Variants in FRMPD1 observed in about 807,000 individuals in gnomAD.
FRMPD1 encodes FERM and PDZ domain containing 1.
A neutral mutation model predicts 117.8 loss-of-function variants in FRMPD1; 76 were observed. That is an observed-to-expected ratio of 0.65 (90% CI 0.54 to 0.78). The LOEUF (loss-of-function observed/expected upper bound fraction) is 0.78, where lower values mean the gene tolerates loss of function less well. FRMPD1 is among the 30% of genes least tolerant of loss of function. The pLI, the probability that FRMPD1 is intolerant of heterozygous loss-of-function variation, is 0.00. For synonymous variants in FRMPD1, 783 were observed against 770.4 expected (o/e 1.02, Z -0.27); for missense variants, 1,786 against 1,964.5 (o/e 0.91, Z 1.72).
In FRMPD1 at chr9:37,651,556, G is replaced by A. The variant is rs138545639; in HGVS notation, c.-5+462G>A. 1.9e-3 allele frequency among the ~76,000 whole-genome samples: 286 copies of A among 152,366 alleles called. 1 individual carries two copies. Among genetic ancestry groups the A allele is most frequent in the African/African-American group, 6.6e-3 (275 of 41,590 alleles). ...TTTGAGTAGAGGGGCATCCCTGAGT[G>A]TCTCAGCTCCAGAACTCATTGCGTG... On this transcript the variant is annotated intron_variant, in intron 1 of 15. Coordinates refer to ENST00000377765, the MANE Select transcript of FRMPD1 (RefSeq NM_014907.3).
intron 10 of FRMPD1, 95 bp from the exon 11 acceptor site, chr9:37,733,378 G>A: frequency 8.2e-7 from 1 of 1,212,378 alleles, no homozygotes; most frequent in South Asian, 1.4e-5. Context: ...TGTATTATGG[G>A]AACACTAAGT....
chr9:37,638,022 T>TTCTTTCTTTCTTTCTTTCTTTCTC, the FRMPD1 span, among the ~76,000 whole-genome samples: 3 of 81,022 alleles, frequency 3.7e-5, 1 homozygote, highest in African/African-American at 1.5e-4. Context: ...CTTTCTTTCT[T>TTCTTTCTTTCTTTCTTTCTTTCTC]TCTCTCTCTT....
intron 1 of FRMPD1, among the ~76,000 whole-genome samples, chr9:37,654,486 T>A (rs1260736189): frequency 6.6e-6 from 1 of 152,258 alleles, no homozygotes; most frequent in Non-Finnish European, 1.5e-5. Flanking sequence ...ACTAAATATA[T>A]TCCACTATCA....
At chr9:37,677,257 G>C (rs889342922) in intron 1 of FRMPD1, among the ~76,000 whole-genome samples, 1 of 152,196 alleles carries the variant, frequency 6.6e-6, no homozygotes, top group Non-Finnish European at 1.5e-5. Context: ...AGCCCTGCAA[G>C]CCATTCTTGG....
chr9:37,619,744 C>T, the FRMPD1 span, among the ~76,000 whole-genome samples: 31 of 147,562 alleles, frequency 2.1e-4, no homozygotes, highest in African/African-American at 6.0e-4. Context: ...GGCGACACAG[C>T]GAGACTCCAG....
At chr9:37,699,173 C>T (rs1258456961) in intron 2 of FRMPD1, among the ~76,000 whole-genome samples, 1 of 151,926 alleles carries the variant, frequency 6.6e-6, no homozygotes, top group African/African-American at 2.4e-5. Flanking sequence ...TGACCAGCCT[C>T]ATTACCTATT....
Position 37,729,776 on chromosome 9 carries a change from T to C in FRMPD1, c.661T>C (p.Tyr221His). 1 of 1,613,884 alleles carries C rather than the reference T, an allele frequency of 6.2e-7. No homozygotes were observed. Among genetic ancestry groups the C allele is most frequent in the Non-Finnish European group, 8.5e-7 (1 of 1,179,860 alleles). Residue 221 changes from tyrosine to histidine, a missense_variant, in exon 8 of 16, where the codon TAC (tyrosine) becomes CAC (histidine). Tyr to His is a moderately conservative substitution (Grantham distance 83). Coordinates refer to ENST00000377765, the MANE Select transcript of FRMPD1 (RefSeq NM_014907.3). ...KEKLSIRSIE[Y>H]FALALEEQYS... is the part of the protein sequence containing the mutation. ...GAAGCTGTCCATCCGAAGTATCGAGTACTTTGCACTGGCCCTGGAAGAGCA... is the reference window on the plus strand; with the variant it reads ...GAAGCTGTCCATCCGAAGTATCGAGCACTTTGCACTGGCCCTGGAAGAGCA...
At chr9:37,619,210 T>C in the FRMPD1 span, among the ~76,000 whole-genome samples, 1 of 152,196 alleles carries the variant, frequency 6.6e-6, no homozygotes, top group South Asian at 2.1e-4. Flanking sequence ...CCATTTTTTT[T>C]CCATGTAAAC....
the FRMPD1 span, chr9:37,636,861 T>C: frequency 3.7e-6 from 6 of 1,611,418 alleles, no homozygotes; most frequent in Non-Finnish European, 4.2e-6. Flanking sequence ...AAGAAGGGGA[T>C]GCCCAAAGAG....
intron 1 of FRMPD1, among the ~76,000 whole-genome samples, chr9:37,686,772 C>T (rs1265446940): frequency 2.6e-5 from 4 of 152,184 alleles, no homozygotes; most frequent in African/African-American, 7.2e-5. Flanking sequence ...CTTCAAAAGG[C>T]GTGGAAAGGC....
At chr9:37,735,205 T>C (rs1448700352) in intron 12 of FRMPD1, among the ~76,000 whole-genome samples, 1 of 152,202 alleles carries the variant, frequency 6.6e-6, no homozygotes, top group Admixed American at 6.5e-5. Context: ...ATGCTTTCCA[T>C]AGGCAGTAGG....
chr9:37,726,829 G>A (rs971072177), intron 7 of FRMPD1, among the ~76,000 whole-genome samples: 23 of 152,268 alleles, frequency 1.5e-4, no homozygotes, highest in African/African-American at 5.1e-4. Flanking sequence ...ACGAGGTACC[G>A]GTGTGCTTAA....
chr9:37,675,453 G>C (rs1821495824), intron 1 of FRMPD1, among the ~76,000 whole-genome samples: 2 of 151,414 alleles, frequency 1.3e-5, no homozygotes, highest in Non-Finnish European at 2.9e-5. Context: ...ATGGTGGCCT[G>C]AATGTGTGTG....
the FRMPD1 span, among the ~76,000 whole-genome samples, chr9:37,640,616 T>C: frequency 6.6e-6 from 1 of 152,152 alleles, no homozygotes; most frequent in Non-Finnish European, 1.5e-5. Flanking sequence ...AACTACATAA[T>C]GATGCACCAG....
chr9:37,737,227 G>T lies in FRMPD1; in HGVS notation c.1533G>T (p.Arg511=), dbSNP rs1394979059. 6 of 1,614,054 alleles carry T rather than the reference G, an allele frequency of 3.7e-6. No individual in the cohort carries two copies. In the South Asian group the frequency reaches 4.4e-5, roughly 12 times the overall value. ...CTGGAAACAAACAACAAGCGCACCG[G>T]GTATCTGCAGAAGAAGGTGAGGCAC... is the stretch of plus-strand genomic sequence containing the variant. ...LWPGNKQQAH[R]VSAEEGYESR... The change falls in exon 14 of 16, where the codon CGG becomes CGT. Residue 511 remains arginine, a synonymous_variant. Transcript: ENST00000377765.
At chr9:37,730,000 G>T (rs1823798288) in intron 8 of FRMPD1, 147 bp downstream of exon 8, 1 of 766,866 alleles carries the variant, frequency 1.3e-6, no homozygotes. Flanking sequence ...CACTCAGCCT[G>T]GGGGTTATGG....
rs562813917 is a variant in FRMPD1, at chr9:37,740,343, G to C, written c.1815G>C (p.Ser605=). Residue 605 remains serine, a synonymous_variant, in exon 15 of 16, where the codon TCG becomes TCC. Transcript: ENST00000377765. This position sits in a 1 kb window ranked among gnomAD's most constrained non-coding sequence, Gnocchi z 4.2. ...GCCGCGGCTACAGGACCAGTGGCTC[G>C]AGTGAGTCCATGGACGCTCTGGAAG... is the stretch of plus-strand genomic sequence containing the variant. ...TESRGYRTSG[S]SESMDALEED... 3.1e-6 allele frequency: 5 copies of C among 1,613,492 alleles called. No individual in the cohort carries two copies. Among genetic ancestry groups the C allele is most frequent in the East Asian group, 4.5e-5 (2 of 44,862 alleles).
intron 7 of FRMPD1, chr9:37,728,125 T>C (rs1823695902): frequency 6.6e-6 from 1 of 152,212 alleles, no homozygotes; most frequent in Non-Finnish European, 1.5e-5. Context: ...AAGTGCCTTC[T>C]ATGGGGAAAT....
intron 13 of FRMPD1, among the ~76,000 whole-genome samples, chr9:37,736,832 TGTGA>T (rs993889491): frequency 5.3e-5 from 8 of 151,228 alleles, no homozygotes; most frequent in African/African-American, 1.5e-4. Context: ...ACCCACTGTG[TGTGA>T]GTGAGTGTGT....
Sources: gnomAD v4.1 joint callset for allele counts (sites outside exome capture counted in the v4.1 genomes callset) on GRCh38, gnomAD v4.1.1 for gene constraint, Gnocchi (gnomAD v3.1) non-coding constraint, MANE v1.5 for transcripts, NCBI Gene and HGNC (gene_info 2026-07-23, HGNC 2026-07-21) for gene names.